The following PCDHGA2 variants were observed in gnomAD, a reference collection of about 807,000 sequenced individuals.
PCDHGA2 encodes the protein protocadherin gamma-A2.
A neutral mutation model predicts 59.2 loss-of-function variants in PCDHGA2; 40 were observed. The observed-to-expected ratio is 0.68, with a 90% CI of 0.52 to 0.88. PCDHGA2 has a LOEUF of 0.88. Ranked by LOEUF, PCDHGA2 falls within the 40% of genes least tolerant of loss-of-function variation. PCDHGA2 has a pLI of 0.00. For missense variants in PCDHGA2, 1,226 were observed against 1,204.0 expected, an observed-to-expected ratio of 1.02 and a Z score of -0.27; for synonymous variants, 560 against 526.0, an observed-to-expected ratio of 1.06 and a Z score of -0.89.
chr5:141,463,590 A>G (rs975534405), intron 1 of PCDHGA2, among the ~76,000 whole-genome samples: 3 of 151,848 alleles, frequency 2.0e-5, no homozygotes, highest in African/African-American at 7.3e-5. Flanking sequence ...CTGGGACTAC[A>G]GGTGCCTGCC....
At position 141,343,780 on chromosome 5, in the gene PCDHGA2, T is replaced by TGTCGC. The variant is rs551432599; in HGVS notation, c.2424+2386_2424+2390dup. 240 of 415,038 alleles carry TGTCGC rather than the reference T, an allele frequency of 5.8e-4. 1 individual carries two copies. The highest frequency in any genetic ancestry group is 4.5e-3 in the African/African-American group (218 of 48,848). 25.7% of individuals were successfully genotyped at this position (415,038 alleles called of 1,614,324 possible). ...TGCAGTAAACGGTTAGGCCTCTTAG[T>TGTCGC]GTCGCTGTTGACCACTCAAGAAGGA... is the stretch of plus-strand genomic sequence containing the variant. On this transcript the variant is annotated intron_variant, in intron 1 of 3. Coordinates refer to ENST00000394576, the MANE Select transcript of PCDHGA2 (RefSeq NM_018915.4).
intron 3 of PCDHGA2, among the ~76,000 whole-genome samples, chr5:141,510,375 G>A (rs980966602): frequency 3.4e-5 from 5 of 148,132 alleles, no homozygotes; most frequent in East Asian, 2.0e-4. Context: ...ATCTCTACTC[G>A]TGCCAGGCCT....
chr5:141,485,680 C>T lies in PCDHGA2; in HGVS notation c.2425-9127C>T. The T allele has an allele frequency of 6.2e-7, 1 of 1,613,966 alleles. No individual in the cohort carries two copies. Among genetic ancestry groups the T allele is most frequent in the South Asian group, 1.1e-5 (1 of 91,066 alleles). The stretch of plus-strand genomic sequence containing the variant: ...ATGTGGGGAGCAATTCGATTAGCAG[C>T]TATAGGCTGAGCTCCAATGAACACT... On this transcript the variant is annotated intron_variant, in intron 1 of 3. Coordinates refer to ENST00000394576, the MANE Select transcript of PCDHGA2 (RefSeq NM_018915.4). The surrounding 1 kb of genome is among the most constrained non-coding windows in gnomAD (Gnocchi z 5.7).
chr5:141,500,144 C>T (rs2099796717), intron 2 of PCDHGA2, among the ~76,000 whole-genome samples: 1 of 151,426 alleles, frequency 6.6e-6, no homozygotes, highest in South Asian at 2.1e-4. Context: ...CTAAACTTTT[C>T]TTTGTGTAAT....
intron 1 of PCDHGA2, chr5:141,484,865 G>A (rs1431313212): frequency 3.6e-6 from 1 of 278,548 alleles, no homozygotes; most frequent in Non-Finnish European, 6.7e-6. Flanking sequence ...GGGTGGGGGA[G>A]CGTGGAGGAT....
At chr5:141,503,396 A>G (rs1025780031) in intron 2 of PCDHGA2, among the ~76,000 whole-genome samples, 2 of 151,944 alleles carry the variant, frequency 1.3e-5, no homozygotes, top group African/African-American at 2.4e-5. Flanking sequence ...GGAGTTCGAA[A>G]CCAACCTGGC....
At chr5:141,418,811 A>C in intron 1 of PCDHGA2, 1 of 1,613,916 alleles carries the variant, frequency 6.2e-7, no homozygotes. Context: ...ATATACGATA[A>C]ACATAGAAGC....
Position 141,431,364 on chromosome 5 carries a change from G to T in PCDHGA2, c.2425-63443G>T, listed in dbSNP as rs773688069. 3 of 1,613,892 alleles carry T rather than the reference G, an allele frequency of 1.9e-6. No individual in the cohort carries two copies. The East Asian group carries it at 6.7e-5, about 36-fold the overall frequency. ...TTGGTGCTGAAACGCGCCCTGGACC[G>T]CGAAGAAAAGGCTGCTCACCACCTG... On this transcript the variant is annotated intron_variant, in intron 1 of 3. Coordinates refer to ENST00000394576, the MANE Select transcript of PCDHGA2 (RefSeq NM_018915.4). The surrounding 1 kb of genome is among the most constrained non-coding windows in gnomAD (Gnocchi z 4.8).
At position 141,491,828 on chromosome 5, in the gene PCDHGA2, G is replaced by C. The variant is rs1389234164; in HGVS notation, c.2425-2979G>C. ...CTTGGTCGCTGGCTGCGCTCCACCC[G>C]ATTCTCGGGATCATTGGACCGTTTG... On this transcript the variant is annotated intron_variant, in intron 1 of 3. Coordinates refer to ENST00000394576, the MANE Select transcript of PCDHGA2 (RefSeq NM_018915.4). The surrounding 1 kb of genome is among the most constrained non-coding windows in gnomAD (Gnocchi z 6.9). 4.1e-6 allele frequency: 6 copies of C among 1,475,668 alleles called. No homozygotes were observed. The highest frequency in any genetic ancestry group is 5.4e-6 in the Non-Finnish European group (6 of 1,113,522). 91.4% of individuals were successfully genotyped at this position (1,475,668 alleles called of 1,614,324 possible).
rs191844335 is a variant in PCDHGA2 at position 141,394,289 on chromosome 5, C to A, written c.2424+52894C>A. ...ATGCCCAGGTCACTTACTCTGTGAC[C>A]GAGGACACGCTGCAGGGGGCGCCCC... On this transcript the variant is annotated intron_variant, in intron 1 of 3. Coordinates refer to ENST00000394576, the MANE Select transcript of PCDHGA2 (RefSeq NM_018915.4). The A allele has an allele frequency of 3.8e-5, 61 of 1,613,954 alleles. 1 individual carries two copies. In the African/African-American group the frequency reaches 6.0e-4, roughly 16 times the overall value.
chr5:141,430,328 T>C (rs961978065), intron 1 of PCDHGA2, among the ~76,000 whole-genome samples: 1 of 152,036 alleles, frequency 6.6e-6, no homozygotes, highest in Non-Finnish European at 1.5e-5. Flanking sequence ...AAATCATTGT[T>C]TATAGAAACT....
chr5:141,371,081 G>A, intron 1 of PCDHGA2: 1 of 1,613,852 alleles, frequency 6.2e-7, no homozygotes, highest in Non-Finnish European at 8.5e-7. Context: ...CCCAGATCAG[G>A]GTAATTGTCG....
intron 1 of PCDHGA2, chr5:141,414,452 T>C (rs767824112): frequency 6.2e-7 from 1 of 1,613,886 alleles, no homozygotes. Flanking sequence ...AATATCACAG[T>C]GACAGCCACA....
chr5:141,494,182 C>A (rs188628485), intron 1 of PCDHGA2, among the ~76,000 whole-genome samples: 1 of 152,126 alleles, frequency 6.6e-6, no homozygotes, highest in Non-Finnish European at 1.5e-5. Context: ...AGAAGTGTCC[C>A]GGGACTTGGA....
At chr5:141,441,948 G>A in intron 1 of PCDHGA2, 1 of 332,472 alleles carries the variant, frequency 3.0e-6, no homozygotes, top group Non-Finnish European at 5.8e-6. Flanking sequence ...ACGTGCTGCA[G>A]GCCAGCAAGC....
At chr5:141,456,827 G>A (rs183303757) in intron 1 of PCDHGA2, among the ~76,000 whole-genome samples, 13 of 152,236 alleles carry the variant, frequency 8.5e-5, no homozygotes, top group South Asian at 2.1e-4. Flanking sequence ...AGCCATCGTG[G>A]TAGTGGGCGC....
intron 1 of PCDHGA2, chr5:141,408,627 T>A: frequency 6.2e-7 from 1 of 1,613,916 alleles, no homozygotes; most frequent in Admixed American, 1.7e-5. Flanking sequence ...CATTTAGAAA[T>A]TTTCGAATCT....
intron 1 of PCDHGA2, chr5:141,367,050 A>C (rs1056212964): frequency 1.2e-5 from 4 of 330,762 alleles, no homozygotes; most frequent in African/African-American, 2.2e-5. Context: ...TTAATAGAAA[A>C]GATGTTTTAT....
At chr5:141,380,705 T>G (rs1776676195) in intron 1 of PCDHGA2, among the ~76,000 whole-genome samples, 1 of 152,242 alleles carries the variant, frequency 6.6e-6, no homozygotes, top group African/African-American at 2.4e-5. Context: ...AGTCTATAAT[T>G]TAATTTAACT....
Sources: gnomAD v4.1 joint callset for allele counts (sites outside exome capture counted in the v4.1 genomes callset) on GRCh38, gnomAD v4.1.1 for gene constraint, Gnocchi (gnomAD v3.1) non-coding constraint, MANE v1.5 for transcripts, NCBI Gene and HGNC (gene_info 2026-07-23, HGNC 2026-07-21) for gene names.